SNX2: variants seen among roughly 807,000 people sequenced by gnomAD.
SNX2 encodes sorting nexin 2.
Under a neutral mutation model 69.9 loss-of-function variants are expected in SNX2, and 25 were observed. The ratio of observed to expected loss-of-function variants is 0.36; its 90% CI spans 0.26 to 0.50. The LOEUF is 0.50. Among genes scored for constraint, SNX2 ranks in the 20% least tolerant of loss-of-function variants. SNX2 has a pLI of 0.97. For missense variants in SNX2, 551 were observed against 613.3 expected (o/e 0.90, Z 1.07); for synonymous variants, 229 against 200.4 (o/e 1.14, Z -1.20).
chr5:122,817,631 CAA>C (rs1753927928), intron 10 of SNX2, among the ~76,000 whole-genome samples: 1 of 151,710 alleles, frequency 6.6e-6, no homozygotes, highest in African/African-American at 2.4e-5. Flanking sequence ...AAAAAAAGAA[CAA>C]AGAAAACTAT....
At chr5:122,809,812 CTAAAGA>C (rs1753729557) in intron 7 of SNX2, among the ~76,000 whole-genome samples, 1 of 151,896 alleles carries the variant, frequency 6.6e-6, no homozygotes, top group Admixed American at 6.6e-5. Context: ...TTAAGAAAAG[CTAAAGA>C]ATATGTAGTT....
At chr5:122,793,870 G>A (rs1486281600) in intron 1 of SNX2, among the ~76,000 whole-genome samples, 3 of 145,634 alleles carry the variant, frequency 2.1e-5, no homozygotes, top group African/African-American at 2.6e-5. Flanking sequence ...CTGAGATCAC[G>A]CCATTGCACT....
chr5:122,801,754 G>A, intron 3 of SNX2, 115 bp from the exon 4 acceptor site: 1 of 590,138 alleles, frequency 1.7e-6, no homozygotes, highest in Non-Finnish European at 2.9e-6. Flanking sequence ...GTGCTGGGTG[G>A]CTAAATTATT....
At chr5:122,803,663 G>A in intron 6 of SNX2, 50 bp downstream of exon 6, 1 of 1,409,902 alleles carries the variant, frequency 7.1e-7, no homozygotes, top group Middle Eastern at 2.4e-4. Flanking sequence ...TACTAGTTCA[G>A]TTTTAACTGT....
chr5:122,832,548 T>C lies in SNX2; in HGVS notation c.*2900T>C, dbSNP rs372135311. 1.4e-4 allele frequency: 21 copies of C among 152,310 alleles called. 3 individuals carry two copies. Among genetic ancestry groups the C allele is most frequent in the East Asian group, 3.9e-4 (2 of 5,188 alleles). The allele number at this position is 152,310 out of a possible 1,614,324, so 9.4% of individuals were successfully genotyped here. A position where few individuals can be genotyped will look rare whatever the true frequency, so the allele number is the denominator to read the frequency against. On this transcript the variant is annotated 3_prime_UTR_variant, in exon 15 of 15. Transcript: ENST00000379516. ...CTACTCCTTAAACTTTTTTCTTTAT[T>C]ATCTAGATCTAGTAAAGTTTTCTGC...
chr5:122,833,230 G>A lies in SNX2; in HGVS notation c.*3582G>A, dbSNP rs1384606443. 1 of 152,112 alleles carries A rather than the reference G, an allele frequency of 6.6e-6. No homozygotes were observed. The highest frequency in any genetic ancestry group is 1.5e-5 in the Non-Finnish European group (1 of 68,000). The allele number at this position is 152,112 out of a possible 1,614,324, so 9.4% of individuals were successfully genotyped here. A position where few individuals can be genotyped will look rare whatever the true frequency, so the allele number is the denominator to read the frequency against. ...GAAAGTAGATAATGGGTCAGACATG[G>A]AAATAGCAATAAAAGGGAATTACAA... On this transcript the variant is annotated 3_prime_UTR_variant, in exon 15 of 15. Coordinates refer to ENST00000379516, the MANE Select transcript of SNX2 (RefSeq NM_003100.4).
chr5:122,789,642 T>TG (rs1392430664), intron 1 of SNX2, among the ~76,000 whole-genome samples: 1 of 152,184 alleles, frequency 6.6e-6, no homozygotes, highest in Non-Finnish European at 1.5e-5. Flanking sequence ...AACAGGGATT[T>TG]ATTCATATAC....
intron 6 of SNX2, among the ~76,000 whole-genome samples, chr5:122,804,989 G>T (rs1008048512): frequency 6.6e-6 from 1 of 152,020 alleles, no homozygotes; most frequent in African/African-American, 2.4e-5. Context: ...GCCCAGGCTG[G>T]AGTGCAGTGG....
At chr5:122,802,577 GA>G (rs1468963040) in intron 5 of SNX2, among the ~76,000 whole-genome samples, 1 of 152,192 alleles carries the variant, frequency 6.6e-6, no homozygotes, top group East Asian at 1.9e-4. Context: ...AGCCATTAAA[GA>G]AGTTCAAAGA....
rs1426101878 is a variant in SNX2, at chr5:122,827,258, G to A, written c.1357-121G>A. 6.9e-6 allele frequency: 5 copies of A among 723,610 alleles called. No homozygotes were observed. The East Asian group carries it at 1.3e-4, about 20-fold the overall frequency. The allele number at this position is 723,610 out of a possible 1,614,324, so 44.8% of individuals were successfully genotyped here. On this transcript the variant is annotated intron_variant, in intron 12 of 14. Transcript: ENST00000379516. ...GCAATTTCTGTTGATGCTAAATTGTGCATTGCCAATATTGAGCTTTCTCAG... is the reference window on the plus strand; with the variant it reads ...GCAATTTCTGTTGATGCTAAATTGTACATTGCCAATATTGAGCTTTCTCAG...
intron 1 of SNX2, among the ~76,000 whole-genome samples, chr5:122,787,724 G>T (rs1309149758): frequency 1.3e-5 from 2 of 152,054 alleles, no homozygotes; most frequent in African/African-American, 4.8e-5. Flanking sequence ...TTGGGCTCTG[G>T]ACTATGAGGT....
chr5:122,826,044 TTA>T lies in SNX2; in HGVS notation c.1213-3_1213-2del. The T allele has an allele frequency of 1.9e-6, 3 of 1,612,376 alleles. No homozygotes were observed. The highest frequency in any genetic ancestry group is 2.5e-6 in the Non-Finnish European group (3 of 1,178,766). On this transcript the variant is annotated splice_region_variant and splice_polypyrimidine_tract_variant and intron_variant, in intron 11 of 14. Coordinates refer to ENST00000379516, the MANE Select transcript of SNX2 (RefSeq NM_003100.4). ...TACTTAATAGCATTATGTCATTCAC[TTA>T]TAGGGTGTGTTTGACCATCGAATGA...
chr5:122,798,394 T>C (rs1324113393), intron 2 of SNX2, among the ~76,000 whole-genome samples: 1 of 152,170 alleles, frequency 6.6e-6, no homozygotes, highest in East Asian at 1.9e-4. Flanking sequence ...AGTGAAGAGA[T>C]CATCTATACC....
rs191044116 is a variant in SNX2 at position 122,831,433 on chromosome 5, T to G, written c.*1785T>G. Among the ~76,000 whole-genome samples, 75 of 152,232 alleles carry G rather than the reference T, an allele frequency of 4.9e-4. No homozygotes were observed. Among genetic ancestry groups the G allele is most frequent in the African/African-American group, 1.7e-3 (70 of 41,544 alleles). On this transcript the variant is annotated 3_prime_UTR_variant, in exon 15 of 15. Transcript: ENST00000379516. Reference sequence around the variant, plus strand: ...GGCTATAGTACACTATGATCGTGCCTGTGAATACCCACTAACCTACAGCCA... The same window carrying G: ...GGCTATAGTACACTATGATCGTGCCGGTGAATACCCACTAACCTACAGCCA...
chr5:122,785,902 A>G (rs1172858427), intron 1 of SNX2, among the ~76,000 whole-genome samples: 1 of 152,060 alleles, frequency 6.6e-6, no homozygotes, highest in African/African-American at 2.4e-5. Context: ...GTTGGTTGAT[A>G]TTTTTCTGTC....
At chr5:122,785,175 T>C (rs531200057) in intron 1 of SNX2, among the ~76,000 whole-genome samples, 16 of 152,260 alleles carry the variant, frequency 1.1e-4, no homozygotes, top group African/African-American at 3.6e-4. Context: ...TTTGCTTTCA[T>C]TGATTTTTTT....
Position 122,833,739 on chromosome 5 carries a change from A to G in SNX2, c.*4091A>G, listed in dbSNP as rs180901869. 71 of 151,900 alleles carry G rather than the reference A, an allele frequency of 4.7e-4. No homozygotes were observed. The highest frequency in any genetic ancestry group is 1.7e-3 in the African/African-American group (71 of 41,512). The allele number at this position is 151,900 out of a possible 1,614,324, so 9.4% of individuals were successfully genotyped here. A position where few individuals can be genotyped will look rare whatever the true frequency, so the allele number is the denominator to read the frequency against. On this transcript the variant is annotated 3_prime_UTR_variant, in exon 15 of 15. Transcript: ENST00000379516. ...TACCCAGATACAATAAAGTTTTCCAAGTTTCATTGTACACATGAAATGAGT... is the reference window on the plus strand; with the variant it reads ...TACCCAGATACAATAAAGTTTTCCAGGTTTCATTGTACACATGAAATGAGT...
At chr5:122,791,853 T>G (rs80339668) in intron 1 of SNX2, among the ~76,000 whole-genome samples, 1 of 152,120 alleles carries the variant, frequency 6.6e-6, no homozygotes, top group African/African-American at 2.4e-5. Context: ...GAGTAAAGAG[T>G]AGTGAACAAG....
chr5:122,801,402 C>T (rs1753507201), intron 3 of SNX2, among the ~76,000 whole-genome samples: 1 of 151,996 alleles, frequency 6.6e-6, no homozygotes, highest in South Asian at 2.1e-4. Flanking sequence ...GTCAGGAGTT[C>T]AAAACCAGCC....
Sources: allele counts gnomAD v4.1 joint callset (sites outside exome capture counted in the v4.1 genomes callset), GRCh38; gene constraint gnomAD v4.1.1; transcripts MANE v1.5; gene names NCBI Gene and HGNC (gene_info 2026-07-23, HGNC 2026-07-21).